SLC45A4: variants seen among roughly 807,000 people sequenced by gnomAD.
The protein encoded by SLC45A4 is polyamine-transporter SLC45A4.
In SLC45A4, 32 loss-of-function variants were observed where a neutral mutation model predicts 63.7. The observed-to-expected ratio is 0.50, with a 90% CI of 0.38 to 0.67. SLC45A4 has a LOEUF of 0.67. Ranked by LOEUF, SLC45A4 falls within the 30% of genes least tolerant of loss-of-function variation. SLC45A4 has a pLI of 0.00. For synonymous variants in SLC45A4, 535 were observed against 510.0 expected, an observed-to-expected ratio of 1.05 and a Z score of -0.66; for missense variants, 1,027 against 1,157.7, an observed-to-expected ratio of 0.89 and a Z score of 1.64.
At position 141,212,213 on chromosome 8, in the gene SLC45A4, A is replaced by C. The variant is rs1825872995; in HGVS notation, c.2285T>G (p.Val762Gly). 1 of 1,441,200 alleles carries C rather than the reference A, an allele frequency of 6.9e-7. No homozygotes were observed. The highest frequency in any genetic ancestry group is 9.2e-7 in the Non-Finnish European group (1 of 1,087,226). 89.3% of individuals were successfully genotyped at this position (1,441,200 alleles called of 1,614,324 possible). Residue 762 changes from valine to glycine, a missense_variant, in exon 8 of 9, where the codon GTG becomes GGG. Transcript: ENST00000517878. ...GGCTCAGACCACGGACTCTGTCTCC[A>C]CCGGTCCCTGCAGGCCCTCCTTCCG... ...LTRKEGLQGP[V>G]ETESVTPAGI... is the part of the protein sequence containing the mutation.
chr8:141,276,957 AC>A (rs1829751510), intron 1 of SLC45A4, among the ~76,000 whole-genome samples: 1 of 152,158 alleles, frequency 6.6e-6, no homozygotes, highest in Non-Finnish European at 1.5e-5. Context: ...CGGCCTAAGC[AC>A]TGCCCTCCAG....
At chr8:141,285,795 C>CA in intron 1 of SLC45A4, among the ~76,000 whole-genome samples, 1 of 152,344 alleles carries the variant, frequency 6.6e-6, no homozygotes, top group Middle Eastern at 3.4e-3. Flanking sequence ...CACCTGAACA[C>CA]ATCCTTGGCT....
intron 1 of SLC45A4, among the ~76,000 whole-genome samples, chr8:141,271,034 C>CA (rs1829501387): frequency 6.6e-6 from 1 of 152,220 alleles, no homozygotes; most frequent in African/African-American, 2.4e-5. Context: ...AAAGGACCTA[C>CA]AATGGCACTA....
intron 1 of SLC45A4, among the ~76,000 whole-genome samples, chr8:141,282,035 A>T (rs2154615102): frequency 6.6e-6 from 1 of 152,282 alleles, no homozygotes; most frequent in East Asian, 1.9e-4. Context: ...TGGGGCTCCC[A>T]GGATTGACCT....
At chr8:141,223,906 A>C (rs1311693437) in intron 2 of SLC45A4, among the ~76,000 whole-genome samples, 1 of 152,168 alleles carries the variant, frequency 6.6e-6, no homozygotes, top group Non-Finnish European at 1.5e-5. Context: ...GACCTGAACC[A>C]AACCACTTTA....
In SLC45A4 at chr8:141,219,834, G is replaced by T; in HGVS notation, c.431-5C>A. 1 of 1,571,650 alleles carries T rather than the reference G, an allele frequency of 6.4e-7. No individual in the cohort carries two copies. ...GGACATCGCCGAGGGCCAGACCTGC[G>T]CAGAGCACACGGGAGGGCGGTCAGG... is the stretch of plus-strand genomic sequence containing the variant. On this transcript the variant is annotated splice_polypyrimidine_tract_variant and splice_region_variant and intron_variant, in intron 3 of 8. Coordinates refer to ENST00000517878, the MANE Select transcript of SLC45A4 (RefSeq NM_001286646.2).
At chr8:141,241,512 A>C (rs374262964) in intron 2 of SLC45A4, among the ~76,000 whole-genome samples, 1 of 152,242 alleles carries the variant, frequency 6.6e-6, no homozygotes, top group Non-Finnish European at 1.5e-5. Context: ...TGTCCATTTA[A>C]GAAAGTAGAA....
chr8:141,221,447 G>C, intron 3 of SLC45A4, 130 bp downstream of exon 3: 1 of 1,218,702 alleles, frequency 8.2e-7, no homozygotes, highest in South Asian at 1.6e-5. Flanking sequence ...GGGTGGCCCC[G>C]GCAGCCCAGC....
chr8:141,234,140 C>G (rs1304955192), intron 2 of SLC45A4, among the ~76,000 whole-genome samples: 1 of 152,224 alleles, frequency 6.6e-6, no homozygotes, highest in East Asian at 1.9e-4. Flanking sequence ...GGGGACTGTT[C>G]TTCTCTATGT....
intron 1 of SLC45A4, among the ~76,000 whole-genome samples, chr8:141,296,573 C>T (rs11988841): frequency 0.11 from 16,659 of 145,686 alleles, 1,540 homozygotes; most frequent in East Asian, 0.43. Flanking sequence ...TGGTGGCTCA[C>T]GCCAGTAATC....
rs1828819273 is a variant in SLC45A4 at position 141,256,863 on chromosome 8, T to TC, written c.-400-2235_-400-2234insG. 1 of 340,884 alleles carries TC rather than the reference T, an allele frequency of 2.9e-6. No homozygotes were observed. The highest frequency in any genetic ancestry group is 2.2e-5 in the African/African-American group (1 of 46,454). 21.1% of individuals were successfully genotyped at this position (340,884 alleles called of 1,614,324 possible). On this transcript the variant is annotated intron_variant, in intron 1 of 8. Transcript: ENST00000517878. The surrounding 1 kb of genome is among the most constrained non-coding windows in gnomAD (Gnocchi z 4.3). ...TCAAAAAACTGTGTAATGAAACTTT[T>TC]TTTTTTTTTTGAGACAGTCTCGCTC...
chr8:141,217,911 G>A (rs1826268390), intron 5 of SLC45A4, 100 bp downstream of exon 5: 5 of 1,386,850 alleles, frequency 3.6e-6, no homozygotes, highest in South Asian at 1.4e-5. Flanking sequence ...CCTGACACGC[G>A]TGGGCACGAG....
At chr8:141,257,120 G>C (rs1178753920) in intron 1 of SLC45A4, among the ~76,000 whole-genome samples, 1 of 152,162 alleles carries the variant, frequency 6.6e-6, no homozygotes, top group Non-Finnish European at 1.5e-5. Context: ...CCAAAGTGCT[G>C]GGATTACAAG....
intron 1 of SLC45A4, among the ~76,000 whole-genome samples, chr8:141,281,597 G>A (rs947965386): frequency 2.0e-5 from 3 of 152,210 alleles, no homozygotes; most frequent in Admixed American, 6.5e-5. Context: ...TTTCTGAAAT[G>A]GCCTTAGGAT....
rs1046521279 is a variant in SLC45A4, at chr8:141,229,537, C to T, written c.242-7772G>A. Among the ~76,000 whole-genome samples the T allele has an allele frequency of 6.6e-6, 1 of 152,154 alleles. No homozygotes were observed. The highest frequency in any genetic ancestry group is 2.4e-5 in the African/African-American group (1 of 41,426). ...GTGTCCAGGCACTCCCTTGTCAAGG[C>T]CACAAGCTTCAAGGCAGTGGGACCA... On this transcript the variant is annotated intron_variant, in intron 2 of 8. Coordinates refer to ENST00000517878, the MANE Select transcript of SLC45A4 (RefSeq NM_001286646.2). The surrounding 1 kb of genome is among the most constrained non-coding windows in gnomAD (Gnocchi z 5.0).
intron 1 of SLC45A4, among the ~76,000 whole-genome samples, chr8:141,271,901 CAT>C (rs1345638501): frequency 5.1e-4 from 77 of 152,162 alleles, no homozygotes; most frequent in African/African-American, 1.8e-3. Flanking sequence ...CCTGCGTACA[CAT>C]ACATGCGCTC....
intron 1 of SLC45A4, among the ~76,000 whole-genome samples, chr8:141,304,514 G>A (rs1830838583): frequency 1.4e-5 from 2 of 144,970 alleles, no homozygotes; most frequent in African/African-American, 2.6e-5. Flanking sequence ...AACCAAGATC[G>A]CACCACTGCA....
Position 141,219,012 on chromosome 8 carries a change from C to A in SLC45A4, c.628G>T (p.Gly210Cys). The A allele has an allele frequency of 6.2e-7, 1 of 1,611,258 alleles. No individual in the cohort carries two copies. The highest frequency in any genetic ancestry group is 1.1e-5 in the South Asian group (1 of 91,006). The stretch of plus-strand genomic sequence containing the variant: ...CAGTCCAGCCCACCCAGCACGTAGC[C>A]GATGGCTCCGCCGAGGCCTGCGTGG... ...AFSAGLGGAI[G>C]YVLGGLDWTQ... Residue 210 changes from glycine (G) to cysteine (C), a missense_variant, in exon 5 of 9, where the codon GGC becomes TGC. Physicochemically the swap from Gly to Cys is radical, Grantham distance 159 (BLOSUM62 -3). Coordinates refer to ENST00000517878, the MANE Select transcript of SLC45A4 (RefSeq NM_001286646.2).
At chr8:141,304,386 C>T (rs1390621413) in intron 1 of SLC45A4, among the ~76,000 whole-genome samples, 2 of 152,020 alleles carry the variant, frequency 1.3e-5, no homozygotes, top group Admixed American at 1.3e-4. Context: ...TGGTGAAACC[C>T]CATTTCTACT....
Sources: gnomAD v4.1 joint callset for allele counts (sites outside exome capture counted in the v4.1 genomes callset) on GRCh38, gnomAD v4.1.1 for gene constraint, Gnocchi (gnomAD v3.1) non-coding constraint, MANE v1.5 for transcripts, NCBI Gene and HGNC (gene_info 2026-07-23, HGNC 2026-07-21) for gene names.